Variants in PAMR1 observed in about 807,000 individuals in gnomAD.
The protein encoded by PAMR1 is peptidase domain containing associated with muscle regeneration 1.
In PAMR1, 88 loss-of-function variants were observed where a neutral mutation model predicts 81.8. That is an observed-to-expected ratio of 1.08 (90% confidence interval 0.91 to 1.28). The LOEUF (loss-of-function observed/expected upper bound fraction) is 1.28. Among genes scored for constraint, PAMR1 ranks in the 50% most tolerant of loss-of-function variants. The probability of loss-of-function intolerance (pLI) is 0.00; values close to 1 mark genes in which losing one functional copy is unlikely to be tolerated. For missense variants in PAMR1, 935 were observed against 919.7 expected (o/e 1.02, Z -0.21); for synonymous variants, 336 against 345.3 (o/e 0.97, Z 0.30).
chr11:35,525,033 C>A (rs998613317), intron 1 of PAMR1, among the ~76,000 whole-genome samples: 1 of 152,100 alleles, frequency 6.6e-6, no homozygotes, highest in African/African-American at 2.4e-5. Flanking sequence ...TGTAGGAGTT[C>A]GTGAAGCAAG....
intron 6 of PAMR1, among the ~76,000 whole-genome samples, chr11:35,461,953 T>C (rs1166770015): frequency 1.3e-5 from 2 of 152,132 alleles, no homozygotes; most frequent in East Asian, 1.9e-4. Context: ...ATGCCCTTCA[T>C]ACCCTCTCAA....
intron 8 of PAMR1, among the ~76,000 whole-genome samples, chr11:35,438,009 T>C (rs1856088020): frequency 6.6e-6 from 1 of 152,228 alleles, no homozygotes; most frequent in African/African-American, 2.4e-5. Flanking sequence ...AACTTAGCTG[T>C]AGTCAATTTC....
chr11:35,446,499 T>C (rs1330592207), intron 6 of PAMR1, among the ~76,000 whole-genome samples: 3 of 152,222 alleles, frequency 2.0e-5, no homozygotes, highest in Non-Finnish European at 2.9e-5. Context: ...CCTCATAACA[T>C]TGCTTTAGCT....
At position 35,507,797 on chromosome 11, in the gene PAMR1, CT is replaced by C. The variant is rs71044525; in HGVS notation, c.74-13526del. Among the ~76,000 whole-genome samples, 69 of 141,912 alleles carry C rather than the reference CT, an allele frequency of 4.9e-4. 2 individuals carry two copies. The South Asian group carries it at 0.013, about 27-fold the overall frequency. The allele number at this position is 141,912 out of a possible 152,430, so 93.1% of individuals were successfully genotyped here. A position where few individuals can be genotyped will look rare whatever the true frequency, so the allele number is the denominator to read the frequency against. On this transcript the variant is annotated intron_variant, in intron 1 of 10. Coordinates refer to ENST00000619888, the MANE Select transcript of PAMR1 (RefSeq NM_001001991.3). ...TTCTTTGTAATTTACCTATTGAAAT[CT>C]TTTTTTTTTTTTTCCTGCTGAGTTG...
intron 1 of PAMR1, among the ~76,000 whole-genome samples, chr11:35,517,884 A>C (rs1851196924): frequency 6.6e-6 from 1 of 152,232 alleles, no homozygotes; most frequent in African/African-American, 2.4e-5. Context: ...ATGAATATGG[A>C]CATGGGAGCA....
At chr11:35,501,678 A>G (rs544287742) in intron 1 of PAMR1, among the ~76,000 whole-genome samples, 86 of 152,280 alleles carry the variant, frequency 5.6e-4, no homozygotes, top group Non-Finnish European at 1.1e-3. Flanking sequence ...GAGTAAGAAC[A>G]CGCAATATTT....
chr11:35,449,569 A>C (rs2135352100), intron 6 of PAMR1, among the ~76,000 whole-genome samples: 1 of 152,324 alleles, frequency 6.6e-6, no homozygotes, highest in South Asian at 2.1e-4. Context: ...TTTCTGGACC[A>C]GCAGGGGAAA....
chr11:35,494,337 T>C, intron 1 of PAMR1, 65 bp from the exon 2 acceptor site: 1 of 1,373,204 alleles, frequency 7.3e-7, no homozygotes, highest in Non-Finnish European at 1.0e-6. Context: ...CTTTGTTTGT[T>C]TGTTTGTTTG....
intron 2 of PAMR1, among the ~76,000 whole-genome samples, chr11:35,493,798 T>C (rs1283600030): frequency 1.3e-5 from 2 of 152,196 alleles, no homozygotes; most frequent in Non-Finnish European, 2.9e-5. Context: ...GCCGGAAGTG[T>C]GTCTTTTGTT....
At chr11:35,495,683 T>C (rs1850715703) in intron 1 of PAMR1, among the ~76,000 whole-genome samples, 1 of 152,220 alleles carries the variant, frequency 6.6e-6, no homozygotes, top group African/African-American at 2.4e-5. Flanking sequence ...AAATGAATTC[T>C]AGCACCTGCA....
chr11:35,473,623 T>C (rs537189989), intron 4 of PAMR1, among the ~76,000 whole-genome samples: 7 of 152,270 alleles, frequency 4.6e-5, no homozygotes, highest in African/African-American at 1.7e-4. Flanking sequence ...GCACTAGTTT[T>C]GAAGAGGAAG....
intron 6 of PAMR1, among the ~76,000 whole-genome samples, chr11:35,443,041 A>G (rs1179902372): frequency 6.6e-6 from 1 of 152,164 alleles, no homozygotes; most frequent in East Asian, 1.9e-4. Flanking sequence ...GGCATTGATT[A>G]TAATATCCAG....
chr11:35,444,526 G>A lies in PAMR1; in HGVS notation c.821-2833C>T, dbSNP rs200503153. Among the ~76,000 whole-genome samples, 11 of 152,286 alleles carry A rather than the reference G, an allele frequency of 7.2e-5. No individual in the cohort carries two copies. The East Asian group carries it at 1.5e-3, about 21-fold the overall frequency. ...TCTTGAGTTAATTTTTGTATAAAGT[G>A]TAAGGAATGGGTCCAGGTTCAATTT... On this transcript the variant is annotated intron_variant, in intron 6 of 10. Coordinates refer to ENST00000619888, the MANE Select transcript of PAMR1 (RefSeq NM_001001991.3).
chr11:35,473,614 C>A (rs1313447736), intron 4 of PAMR1, among the ~76,000 whole-genome samples: 1 of 152,156 alleles, frequency 6.6e-6, no homozygotes, highest in Non-Finnish European at 1.5e-5. Flanking sequence ...AGCTGTCATG[C>A]ACTAGTTTTG....
intron 6 of PAMR1, among the ~76,000 whole-genome samples, chr11:35,454,638 C>G (rs1361552772): frequency 2.0e-5 from 3 of 152,170 alleles, no homozygotes; most frequent in Non-Finnish European, 4.4e-5. Flanking sequence ...CCCTAGACAT[C>G]AAGGTCCCTC....
At chr11:35,510,208 C>G (rs1033722385) in intron 1 of PAMR1, among the ~76,000 whole-genome samples, 1 of 152,176 alleles carries the variant, frequency 6.6e-6, no homozygotes, top group African/African-American at 2.4e-5. Context: ...TACCCTCCCT[C>G]CCACAATTGC....
At chr11:35,465,251 G>A (rs944131206) in intron 6 of PAMR1, among the ~76,000 whole-genome samples, 1 of 152,064 alleles carries the variant, frequency 6.6e-6, no homozygotes, top group African/African-American at 2.4e-5. Context: ...CATCAGATTT[G>A]GCACTGCATA....
At chr11:35,460,110 G>A (rs1384255339) in intron 6 of PAMR1, among the ~76,000 whole-genome samples, 1 of 152,232 alleles carries the variant, frequency 6.6e-6, no homozygotes, top group African/African-American at 2.4e-5. Flanking sequence ...TCTGACACAG[G>A]AGGAGGGACA....
intron 8 of PAMR1, 108 bp from the exon 9 acceptor site, chr11:35,436,243 G>A: frequency 1.4e-6 from 1 of 711,686 alleles, no homozygotes; most frequent in African/African-American, 1.8e-5. Context: ...TACAGAAACA[G>A]AAAAAATCTC....
Sources: allele counts gnomAD v4.1 joint callset (sites outside exome capture counted in the v4.1 genomes callset), GRCh38; gene constraint gnomAD v4.1.1; transcripts MANE v1.5; gene names NCBI Gene and HGNC (gene_info 2026-07-23, HGNC 2026-07-21).